The following DPP6 variants were observed in gnomAD, a reference collection of about 807,000 sequenced individuals.
The protein encoded by DPP6 is dipeptidyl peptidase like 6.
In DPP6, 69 loss-of-function variants were observed where a neutral mutation model predicts 122.6. The ratio of observed to expected loss-of-function variants is 0.56; its 90% CI spans 0.46 to 0.69. DPP6 has a LOEUF of 0.69. DPP6 is among the 30% of genes least tolerant of loss of function. The probability of loss-of-function intolerance (pLI) is 0.00; values close to 1 mark genes in which losing one functional copy is unlikely to be tolerated. For missense variants in DPP6, 928 were observed against 1,116.9 expected, an observed-to-expected ratio of 0.83 and a Z score of 2.41; for synonymous variants, 418 against 433.1, an observed-to-expected ratio of 0.97 and a Z score of 0.43.
intron 3 of DPP6, among the ~76,000 whole-genome samples, chr7:154,478,015 T>A (rs10238870): frequency 0.37 from 56,810 of 151,620 alleles, 11,342 homozygotes; most frequent in African/African-American, 0.49. Flanking sequence ...TTTTTTTTTA[T>A]CTTATTCCTC....
chr7:154,540,528 A>G lies in DPP6; in HGVS notation c.458-4A>G, dbSNP rs75078012. 10,373 of 1,585,432 alleles carry G rather than the reference A, an allele frequency of 6.5e-3. 514 individuals are homozygous for G. The African/African-American group carries it at 0.11, about 17-fold the overall frequency. ...GTGGTTTTTTTCTACTTCCTCTCTTACAGATACAGAATTCATCTACAGAGA... is the reference window on the plus strand; with the variant it reads ...GTGGTTTTTTTCTACTTCCTCTCTTGCAGATACAGAATTCATCTACAGAGA... On this transcript the variant is annotated splice_region_variant and splice_polypyrimidine_tract_variant and intron_variant, in intron 3 of 25. Transcript: ENST00000377770.
chr7:153,910,230 C>CTTTTTTT (rs1308552552), intron 1 of DPP6, among the ~76,000 whole-genome samples: 1 of 113,702 alleles, frequency 8.8e-6, no homozygotes, highest in East Asian at 2.5e-4. Context: ...CACTTTCTTT[C>CTTTTTTT]TTTCTTTTTT....
At chr7:153,797,629 T>G in the DPP6 span, among the ~76,000 whole-genome samples, 1 of 152,164 alleles carries the variant, frequency 6.6e-6, no homozygotes, top group Non-Finnish European at 1.5e-5. Flanking sequence ...TCCAGTGTGT[T>G]AGCTTGGGTT....
chr7:154,689,018 T>A (rs1016319526), intron 7 of DPP6, among the ~76,000 whole-genome samples: 1 of 152,246 alleles, frequency 6.6e-6, no homozygotes, highest in Admixed American at 6.5e-5. Context: ...TGTATTTAGA[T>A]AATTACACCC....
intron 22 of DPP6, among the ~76,000 whole-genome samples, chr7:154,886,897 C>T (rs567612580): frequency 6.6e-6 from 1 of 152,372 alleles, no homozygotes; most frequent in South Asian, 2.1e-4. Flanking sequence ...AATTTTAACT[C>T]GTACAGGAAC....
At chr7:154,340,594 T>C (rs1809841168) in intron 1 of DPP6, among the ~76,000 whole-genome samples, 1 of 152,230 alleles carries the variant, frequency 6.6e-6, no homozygotes, top group Admixed American at 6.5e-5. Flanking sequence ...ATCTTCATGC[T>C]ATCTCTTTGT....
chr7:154,489,734 GA>G (rs533397018), intron 3 of DPP6, among the ~76,000 whole-genome samples: 1 of 149,350 alleles, frequency 6.7e-6, no homozygotes, highest in East Asian at 1.9e-4. Context: ...CCTCCCTCCA[GA>G]AAAAAAAACA....
intron 1 of DPP6, among the ~76,000 whole-genome samples, chr7:154,138,936 T>A (rs1246601839): frequency 6.6e-6 from 1 of 152,114 alleles, no homozygotes; most frequent in Non-Finnish European, 1.5e-5. Flanking sequence ...GAAACACCCA[T>A]ACCCTAAACA....
At chr7:154,321,740 G>A (rs1483006234) in intron 1 of DPP6, among the ~76,000 whole-genome samples, 2 of 144,968 alleles carry the variant, frequency 1.4e-5, no homozygotes, top group African/African-American at 5.2e-5. Context: ...AGCTAAGATT[G>A]CGCCACTGCA....
intron 1 of DPP6, among the ~76,000 whole-genome samples, chr7:154,022,998 G>A (rs1310460601): frequency 6.6e-6 from 1 of 152,110 alleles, no homozygotes; most frequent in African/African-American, 2.4e-5. Context: ...TCTCCTCCAG[G>A]AGGAAGAACC....
chr7:154,579,984 G>A (rs899286435), intron 5 of DPP6, among the ~76,000 whole-genome samples: 1 of 152,136 alleles, frequency 6.6e-6, no homozygotes, highest in African/African-American at 2.4e-5. Context: ...ACTTTGCCCG[G>A]AATGAGCCCC....
At chr7:154,443,299 A>T (rs1288422743) in intron 1 of DPP6, among the ~76,000 whole-genome samples, 2 of 151,938 alleles carry the variant, frequency 1.3e-5, no homozygotes, top group African/African-American at 4.8e-5. Context: ...TAGTGAGCTG[A>T]TCTGCTTATT....
chr7:154,278,241 A>G (rs997207925), intron 1 of DPP6, among the ~76,000 whole-genome samples: 1 of 152,182 alleles, frequency 6.6e-6, no homozygotes, highest in Non-Finnish European at 1.5e-5. Context: ...CTGACACACC[A>G]TGGCCAGCGA....
At chr7:154,543,869 C>T in intron 4 of DPP6, among the ~76,000 whole-genome samples, 1 of 151,544 alleles carries the variant, frequency 6.6e-6, no homozygotes, top group East Asian at 1.9e-4. Flanking sequence ...TGGAGCATGC[C>T]TGTAATCCCA....
chr7:154,466,227 G>C (rs1408350989), intron 2 of DPP6, among the ~76,000 whole-genome samples: 1 of 152,154 alleles, frequency 6.6e-6, no homozygotes, highest in Non-Finnish European at 1.5e-5. Context: ...CAAGGGAAGG[G>C]ATAGCATTAG....
At chr7:153,871,704 T>G in the DPP6 span, among the ~76,000 whole-genome samples, 2 of 152,112 alleles carry the variant, frequency 1.3e-5, no homozygotes, top group African/African-American at 4.8e-5. Flanking sequence ...ACCCAGTACC[T>G]CAGTTGGAAA....
chr7:153,994,781 A>C (rs1361260872), intron 1 of DPP6, among the ~76,000 whole-genome samples: 1 of 151,802 alleles, frequency 6.6e-6, no homozygotes, highest in Admixed American at 6.6e-5. Flanking sequence ...GTATAAATTA[A>C]GTTTACTCTT....
intron 6 of DPP6, among the ~76,000 whole-genome samples, chr7:154,651,722 A>G (rs1222281874): frequency 2.6e-5 from 4 of 152,156 alleles, no homozygotes; most frequent in African/African-American, 9.7e-5. Flanking sequence ...CGCCGTCCCA[A>G]TTTACAGATG....
chr7:153,987,613 C>T (rs181829739), intron 1 of DPP6, among the ~76,000 whole-genome samples: 12 of 151,770 alleles, frequency 7.9e-5, no homozygotes, highest in South Asian at 4.2e-4. Context: ...TTCCGTTGGA[C>T]GGGGAAATTG....
Sources: gnomAD v4.1 joint callset for allele counts (sites outside exome capture counted in the v4.1 genomes callset) on GRCh38, gnomAD v4.1.1 for gene constraint, MANE v1.5 for transcripts, NCBI Gene and HGNC (gene_info 2026-07-23, HGNC 2026-07-21) for gene names.